PDE6A: variants seen among roughly 807,000 people sequenced by gnomAD.
The protein encoded by PDE6A is rod cGMP-specific 3',5'-cyclic phosphodiesterase subunit alpha.
PDE6A carries 84 observed loss-of-function variants against 106.3 expected under a neutral mutation model. The ratio of observed to expected loss-of-function variants is 0.79; its 90% CI spans 0.66 to 0.95. The LOEUF (loss-of-function observed/expected upper bound fraction) is 0.95, where lower values mean the gene tolerates loss of function less well. Among genes scored for constraint, PDE6A ranks in the 40% least tolerant of loss-of-function variants. The pLI, the probability that PDE6A is intolerant of heterozygous loss-of-function variation, is 0.00. For synonymous variants in PDE6A, 394 were observed against 386.6 expected, an observed-to-expected ratio of 1.02 and a Z score of -0.23; for missense variants, 1,052 against 1,084.9, an observed-to-expected ratio of 0.97 and a Z score of 0.43.
At chr5:149,861,054 T>C (rs954681095) in intron 21 of PDE6A, 83 bp from the exon 22 acceptor site, 26 of 1,276,924 alleles carry the variant, frequency 2.0e-5, no homozygotes, top group Non-Finnish European at 2.9e-5. Context: ...GGACCAAGAG[T>C]TGCAAACTCA....
rs1020053936 is a variant in PDE6A, at chr5:149,901,104, CAG to C, written c.1114-1582_1114-1581del. 1.6e-4 allele frequency among the ~76,000 whole-genome samples: 25 copies of C among 152,226 alleles called. 1 individual carries two copies. The highest frequency in any genetic ancestry group is 5.8e-4 in the African/African-American group (24 of 41,564). On this transcript the variant is annotated intron_variant, in intron 8 of 21. Transcript: ENST00000255266. ...CTAATTTTTGTATTTTTAGTAGAGACAGAGTTTCACCATGTTGACCAGGCTGG... is the reference window on the plus strand; with the variant it reads ...CTAATTTTTGTATTTTTAGTAGAGACAGTTTCACCATGTTGACCAGGCTGG...
intron 16 of PDE6A, among the ~76,000 whole-genome samples, chr5:149,884,250 A>ATATATATGTG (rs1761041513): frequency 6.8e-6 from 1 of 146,506 alleles, no homozygotes; most frequent in African/African-American, 2.5e-5. Context: ...ATATATGTGT[A>ATATATATGTG]TATATATGTG....
intron 18 of PDE6A, 73 bp from the exon 19 acceptor site, chr5:149,867,872 C>T (rs72830272): frequency 0.027 from 38,038 of 1,417,942 alleles, 667 homozygotes; most frequent in Non-Finnish European, 0.033. Context: ...TCCCACCCCA[C>T]TTGCAATTCC....
intron 16 of PDE6A, among the ~76,000 whole-genome samples, chr5:149,883,980 A>G (rs766024365): frequency 3.3e-5 from 5 of 152,010 alleles, no homozygotes; most frequent in Non-Finnish European, 5.9e-5. Context: ...ATGGCTTGAG[A>G]CCAGGAGTTT....
Position 149,880,156 on chromosome 5 carries a change from C to T in PDE6A, c.2135+3273G>A, listed in dbSNP as rs376084122. ...CTTTTTCTGGTTATTCTTGCATACT[C>T]ATTTCTCATAAGAATTTTTCAATCA... On this transcript the variant is annotated intron_variant, in intron 17 of 21. Coordinates refer to ENST00000255266, the MANE Select transcript of PDE6A (RefSeq NM_000440.3). 2.6e-5 allele frequency among the ~76,000 whole-genome samples: 4 copies of T among 152,244 alleles called. No homozygotes were observed. The East Asian group carries it at 7.7e-4, about 29-fold the overall frequency.
chr5:149,893,554 T>C (rs1752623261), intron 13 of PDE6A, among the ~76,000 whole-genome samples: 1 of 152,214 alleles, frequency 6.6e-6, no homozygotes, highest in South Asian at 2.1e-4. Context: ...ACCTGGAGAC[T>C]ACCTATGTGG....
chr5:149,886,592 A>G (rs1396866843), intron 13 of PDE6A, among the ~76,000 whole-genome samples: 1 of 152,146 alleles, frequency 6.6e-6, no homozygotes, highest in Non-Finnish European at 1.5e-5. Context: ...TCCCAGGTAA[A>G]TGGGAACAAC....
At chr5:149,884,107 C>T (rs2068814612) in intron 16 of PDE6A, among the ~76,000 whole-genome samples, 1 of 151,304 alleles carries the variant, frequency 6.6e-6, no homozygotes, top group Non-Finnish European at 1.5e-5. Context: ...GGGAGGATCC[C>T]TTGAGCCCAG....
chr5:149,895,943 C>T (rs777047394), intron 12 of PDE6A, among the ~76,000 whole-genome samples: 11 of 152,190 alleles, frequency 7.2e-5, no homozygotes, highest in Non-Finnish European at 1.6e-4. Flanking sequence ...CCCACTGCCT[C>T]CCACACATAC....
chr5:149,889,099 G>T (rs867977270), intron 13 of PDE6A, among the ~76,000 whole-genome samples: 4 of 99,308 alleles, frequency 4.0e-5, no homozygotes, highest in Admixed American at 2.8e-4. Context: ...AAAAAAAAAA[G>T]ATCAGAAGAA....
chr5:149,903,203 C>A (rs951150461), intron 8 of PDE6A, among the ~76,000 whole-genome samples: 1 of 147,776 alleles, frequency 6.8e-6, no homozygotes, highest in African/African-American at 2.5e-5. Flanking sequence ...AAACACCTGG[C>A]AAAGTGGCAT....
intron 5 of PDE6A, among the ~76,000 whole-genome samples, chr5:149,920,439 G>C (rs1205422063): frequency 6.6e-6 from 1 of 152,110 alleles, no homozygotes; most frequent in Non-Finnish European, 1.5e-5. Flanking sequence ...AAATTAGCCA[G>C]GTATGGTGGC....
chr5:149,922,498 G>A (rs904941405), intron 4 of PDE6A, among the ~76,000 whole-genome samples: 5 of 151,916 alleles, frequency 3.3e-5, no homozygotes, highest in Non-Finnish European at 5.9e-5. Context: ...TTTTAGTAGA[G>A]ATGGGGTTTC....
intron 17 of PDE6A, among the ~76,000 whole-genome samples, chr5:149,875,961 T>C (rs9324633): frequency 0.16 from 23,982 of 152,220 alleles, 3,526 homozygotes; most frequent in African/African-American, 0.39. Flanking sequence ...TATATACGTG[T>C]ACATGTATGT....
chr5:149,871,815 A>G (rs1046097402), intron 17 of PDE6A, among the ~76,000 whole-genome samples: 1 of 152,222 alleles, frequency 6.6e-6, no homozygotes, highest in African/African-American at 2.4e-5. Context: ...GAGCGTACAC[A>G]GGGAACCCAG....
Position 149,859,468 on chromosome 5 carries a change from T to C in PDE6A, c.*1427A>G, listed in dbSNP as rs1220817350. ...TAAGCAGTGCCCTGGGGACCGATGC[T>C]TGGGGAAGGGAAGGAAATAGGAGTG... On this transcript the variant is annotated 3_prime_UTR_variant, in exon 22 of 22. Transcript: ENST00000255266. The C allele has an allele frequency of 1.3e-5, 2 of 152,166 alleles. No individual in the cohort carries two copies. Among genetic ancestry groups the C allele is most frequent in the African/African-American group, 4.8e-5 (2 of 41,408 alleles). The allele number at this position is 152,166 out of a possible 1,614,324, so 9.4% of individuals were successfully genotyped here.
At chr5:149,942,445 C>T (rs914901716) in intron 1 of PDE6A, among the ~76,000 whole-genome samples, 17 of 152,270 alleles carry the variant, frequency 1.1e-4, no homozygotes, top group Middle Eastern at 3.4e-3. Flanking sequence ...GGGAAGTCAC[C>T]ATATTGATGC....
chr5:149,903,189 G>A (rs995140641), intron 8 of PDE6A, among the ~76,000 whole-genome samples: 13 of 138,002 alleles, frequency 9.4e-5, no homozygotes, highest in African/African-American at 3.4e-4. Flanking sequence ...CAACAACAAC[G>A]ACAAAACACC....
intron 16 of PDE6A, 44 bp from the exon 17 acceptor site, chr5:149,883,580 A>G: frequency 7.8e-7 from 1 of 1,276,772 alleles, no homozygotes; most frequent in Admixed American, 1.8e-5. Context: ...GTCTTAGAAT[A>G]AGGCAACACC....
Sources: allele counts gnomAD v4.1 joint callset (sites outside exome capture counted in the v4.1 genomes callset), GRCh38; gene constraint gnomAD v4.1.1; transcripts MANE v1.5; gene names NCBI Gene and HGNC (gene_info 2026-07-23, HGNC 2026-07-21).